The following DUSP22 variants were observed in gnomAD, a reference collection of about 807,000 sequenced individuals.
DUSP22 encodes the protein dual specificity protein phosphatase 22.
In DUSP22, 24 loss-of-function variants were observed where a neutral mutation model predicts 24.5. That is an observed-to-expected ratio of 0.98 (90% CI 0.71 to 1.38). The LOEUF is 1.38. DUSP22 is among the 40% of genes most tolerant of loss of function. The pLI is 0.00. For synonymous variants in DUSP22, 160 were observed against 106.4 expected (o/e 1.50, Z -3.10); for missense variants, 330 against 269.2 (o/e 1.23, Z -1.58).
At chr6:307,325 TCTCC>T (rs1456595812) in intron 2 of DUSP22, among the ~76,000 whole-genome samples, 1 of 151,966 alleles carries the variant, frequency 6.6e-6, no homozygotes, top group Non-Finnish European at 1.5e-5. Flanking sequence ...TCCCCACTTC[TCTCC>T]CTCCCTCCCT....
chr6:297,309 T>C (rs977032440), intron 1 of DUSP22, among the ~76,000 whole-genome samples: 2 of 152,304 alleles, frequency 1.3e-5, no homozygotes. Flanking sequence ...AATGGGAATT[T>C]ATTAGAACAC....
chr6:313,790 A>G (rs1758216402), intron 3 of DUSP22, among the ~76,000 whole-genome samples: 1 of 152,312 alleles, frequency 6.6e-6, no homozygotes, highest in Non-Finnish European at 1.5e-5. Context: ...TTCACAAGTA[A>G]TTCATGATAT....
intron 3 of DUSP22, 106 bp from the exon 4 acceptor site, chr6:335,008 T>C (rs1759299914): frequency 1.5e-6 from 2 of 1,319,988 alleles, no homozygotes; most frequent in Non-Finnish European, 2.1e-6. Flanking sequence ...AAACTTCTCC[T>C]TTTTATTTTT....
intron 2 of DUSP22, among the ~76,000 whole-genome samples, chr6:308,703 A>G (rs1184452603): frequency 6.6e-6 from 1 of 152,308 alleles, no homozygotes; most frequent in Non-Finnish European, 1.5e-5. Context: ...CTAAAGTTAT[A>G]TATTGTGGCT....
At chr6:340,860 T>G (rs1355486737) in intron 4 of DUSP22, among the ~76,000 whole-genome samples, 1 of 152,306 alleles carries the variant, frequency 6.6e-6, no homozygotes, top group Non-Finnish European at 1.5e-5. Flanking sequence ...GGCCTCCAAA[T>G]CTTGCAGTCC....
intron 3 of DUSP22, among the ~76,000 whole-genome samples, chr6:313,397 T>G (rs1211586493): frequency 1.3e-5 from 2 of 152,304 alleles, no homozygotes; most frequent in Non-Finnish European, 2.9e-5. Context: ...GCTCCAGCCC[T>G]TATCACTTGG....
intron 4 of DUSP22, among the ~76,000 whole-genome samples, chr6:341,225 G>A (rs915758018): frequency 6.6e-6 from 1 of 152,308 alleles, no homozygotes; most frequent in Non-Finnish European, 1.5e-5. Flanking sequence ...CTGGCTCTCT[G>A]TGGACTGAGC....
chr6:327,585 G>A (rs1758939513), intron 3 of DUSP22, among the ~76,000 whole-genome samples: 1 of 152,308 alleles, frequency 6.6e-6, no homozygotes, highest in Non-Finnish European at 1.5e-5. Flanking sequence ...TAGTGAGAGA[G>A]ACTGGCCCTT....
At chr6:309,432 G>A (rs1240983383) in intron 2 of DUSP22, among the ~76,000 whole-genome samples, 1 of 152,294 alleles carries the variant, frequency 6.6e-6, no homozygotes, top group Non-Finnish European at 1.5e-5. Context: ...ATTTGAATCT[G>A]GGAAAGCAAT....
At position 348,925 on chromosome 6, in the gene DUSP22, T is replaced by A; in HGVS notation, c.592T>A (p.Tyr198Asn). Residue 198 changes from tyrosine to asparagine, a missense_variant, in exon 7 of 7, where the codon TAC (tyrosine) becomes AAC (asparagine). Physicochemically the swap from Tyr to Asn is moderately radical, Grantham distance 143 (BLOSUM62 -2). Coordinates refer to ENST00000419235, the MANE Select transcript of DUSP22 (RefSeq NM_001286555.3). Reference protein sequence around the residue: ...SSFPALAPLTYDNYTTET With the variant: ...SSFPALAPLTNDNYTTET ...TTTTCCGGCACTGGCTCCGCTGACC[T>A]ACGATAATTATACGACGGAGACCTA... 2.5e-6 allele frequency: 4 copies of A among 1,610,310 alleles called. No individual in the cohort carries two copies. Among genetic ancestry groups the A allele is most frequent in the Non-Finnish European group, 3.4e-6 (4 of 1,177,950 alleles).
chr6:305,895 T>C (rs1439077660), intron 2 of DUSP22, among the ~76,000 whole-genome samples: 4 of 152,306 alleles, frequency 2.6e-5, no homozygotes, highest in Non-Finnish European at 5.9e-5. Flanking sequence ...TGCTGAAATT[T>C]CTGAGTTCAG....
intron 2 of DUSP22, among the ~76,000 whole-genome samples, chr6:306,955 G>T (rs1262580553): frequency 6.6e-6 from 1 of 152,306 alleles, no homozygotes; most frequent in Admixed American, 6.5e-5. Flanking sequence ...TGGGCTCAGT[G>T]CCCAATACCT....
chr6:349,221 G>T lies in DUSP22; in HGVS notation c.*270G>T. 2 of 1,387,072 alleles carry T rather than the reference G, an allele frequency of 1.4e-6. No homozygotes were observed. The highest frequency in any genetic ancestry group is 1.9e-6 in the Non-Finnish European group (2 of 1,070,320). The allele number at this position is 1,387,072 out of a possible 1,614,324, so 85.9% of individuals were successfully genotyped here. A position where few individuals can be genotyped will look rare whatever the true frequency, so the allele number is the denominator to read the frequency against. ...TCTGTGCACGTGCGTGTGTGTGAGT[G>T]CACTTGTGTGTGGGTGACTAAGTGG... is the stretch of plus-strand genomic sequence containing the variant. On this transcript the variant is annotated 3_prime_UTR_variant, in exon 7 of 7. Coordinates refer to ENST00000419235, the MANE Select transcript of DUSP22 (RefSeq NM_001286555.3).
Position 292,574 on chromosome 6 carries a change from T to C in DUSP22, c.21+14T>C. The stretch of plus-strand genomic sequence containing the variant: ...GGGATGAACAAGGTAACGTCTTCCC[T>C]CGTTCGCGCTGGGTTTGCCTCCGCT... On this transcript the variant is annotated intron_variant, in intron 1 of 6. Coordinates refer to ENST00000419235, the MANE Select transcript of DUSP22 (RefSeq NM_001286555.3). The C allele has an allele frequency of 6.3e-7, 1 of 1,595,360 alleles. No individual in the cohort carries two copies. Among genetic ancestry groups the C allele is most frequent in the Non-Finnish European group, 8.5e-7 (1 of 1,171,604 alleles).
At chr6:344,020 C>T (rs890370540) in intron 4 of DUSP22, among the ~76,000 whole-genome samples, 7 of 152,414 alleles carry the variant, frequency 4.6e-5, no homozygotes, top group Admixed American at 2.0e-4. Flanking sequence ...CTATCCATCC[C>T]GAGGTGTCAG....
intron 1 of DUSP22, among the ~76,000 whole-genome samples, chr6:296,407 A>G (rs1464241311): frequency 6.6e-6 from 1 of 152,306 alleles, no homozygotes; most frequent in Admixed American, 6.5e-5. Context: ...TGAGTAGCAG[A>G]GCCTGGACTC....
chr6:295,553 C>G (rs1757285396), intron 1 of DUSP22, among the ~76,000 whole-genome samples: 1 of 152,194 alleles, frequency 6.6e-6, no homozygotes, highest in Non-Finnish European at 1.5e-5. Context: ...GGCAGGTGGA[C>G]TGCTTGAGTC....
Position 310,228 on chromosome 6 carries a change from C to T in DUSP22, c.56-1652C>T, listed in dbSNP as rs758717031. On this transcript the variant is annotated intron_variant, in intron 2 of 6. Coordinates refer to ENST00000419235, the MANE Select transcript of DUSP22 (RefSeq NM_001286555.3). ...GGCCCGTCGCGGCCTCCCAAAGTTC[C>T]GGGATTACAGGTGTCAGTCACCATG... Among the ~76,000 whole-genome samples the T allele has an allele frequency of 8.5e-5, 13 of 152,416 alleles. No individual in the cohort carries two copies. In the East Asian group the frequency reaches 9.6e-4, roughly 11 times the overall value.
intron 3 of DUSP22, among the ~76,000 whole-genome samples, chr6:328,559 G>A (rs1256130541): frequency 6.6e-6 from 1 of 152,304 alleles, no homozygotes; most frequent in Non-Finnish European, 1.5e-5. Flanking sequence ...GCTAAATCTT[G>A]TCTCTCCACT....
Sources: gnomAD v4.1 joint callset for allele counts (sites outside exome capture counted in the v4.1 genomes callset) on GRCh38, gnomAD v4.1.1 for gene constraint, MANE v1.5 for transcripts, NCBI Gene and HGNC (gene_info 2026-07-23, HGNC 2026-07-21) for gene names.